UTRN: variants seen among roughly 807,000 people sequenced by gnomAD.
UTRN encodes the protein dystrophin-related protein 1.
UTRN carries 283 observed loss-of-function variants against 463.9 expected under a neutral mutation model. The observed-to-expected ratio is 0.61, with a 90% confidence interval of 0.55 to 0.67. The LOEUF (loss-of-function observed/expected upper bound fraction) is 0.67, where lower values mean the gene tolerates loss of function less well. Among genes scored for constraint, UTRN ranks in the 30% least tolerant of loss-of-function variants. The pLI is 0.00. For synonymous variants in UTRN, 1,442 were observed against 1,431.5 expected (o/e 1.01, Z -0.17); for missense variants, 3,922 against 4,084.3 (o/e 0.96, Z 1.08).
At chr6:144,358,418 A>G (rs1778760861) in intron 2 of UTRN, among the ~76,000 whole-genome samples, 1 of 152,212 alleles carries the variant, frequency 6.6e-6, no homozygotes, top group Non-Finnish European at 1.5e-5. Context: ...CCTATTTGCT[A>G]TAGGTGATAG....
chr6:144,686,832 C>T (rs1475685521), intron 52 of UTRN, among the ~76,000 whole-genome samples: 5 of 151,916 alleles, frequency 3.3e-5, no homozygotes, highest in African/African-American at 9.7e-5. Context: ...TGTTTTTATC[C>T]ATTCTGCCAC....
At chr6:144,374,312 A>C (rs1047921023) in intron 2 of UTRN, among the ~76,000 whole-genome samples, 1 of 152,170 alleles carries the variant, frequency 6.6e-6, no homozygotes, top group Non-Finnish European at 1.5e-5. Flanking sequence ...TTAAAAAATG[A>C]ATCAGTAGAG....
At chr6:144,287,119 G>A (rs1455694422) in intron 1 of UTRN, among the ~76,000 whole-genome samples, 1 of 152,204 alleles carries the variant, frequency 6.6e-6, no homozygotes, top group Admixed American at 6.5e-5. Context: ...GTTCGTTGGC[G>A]GTGGGCGTGG....
chr6:144,533,145 G>T lies in UTRN; in HGVS notation c.6118G>T (p.Asp2040Tyr), dbSNP rs143651227. The T allele has an allele frequency of 1.2e-3, 1,987 of 1,614,092 alleles. 1 individual carries two copies. Among genetic ancestry groups the T allele is most frequent in the Non-Finnish European group, 1.3e-3 (1,512 of 1,179,996 alleles). ...TTTTGCAGCACTAAACCGAACTGGG[G>T]ATGGGATTGTGCAGAAACTCTCCCA... ...PSFAALNRTG[D>Y]GIVQKLSQAD... The change falls in exon 43 of 75, where the codon GAT becomes TAT. Residue 2040 changes from aspartate to tyrosine, a missense_variant. Around this residue, in one of 3 missense-constraint regions of UTRN, gnomAD observed 2,349 missense variants for 2,303.8 expected, o/e 1.02. Transcript: ENST00000367545.
At chr6:144,769,492 T>G (rs1164274864) in intron 58 of UTRN, among the ~76,000 whole-genome samples, 1 of 152,192 alleles carries the variant, frequency 6.6e-6, no homozygotes, top group African/African-American at 2.4e-5. Flanking sequence ...CCGTCAGCTC[T>G]CAGTAGTGGT....
intron 35 of UTRN, among the ~76,000 whole-genome samples, chr6:144,511,419 G>T (rs1014659144): frequency 1.3e-5 from 2 of 151,862 alleles, no homozygotes. Context: ...TTTGATTTTC[G>T]TACTATCAGA....
chr6:144,840,608 CT>C (rs1781484415), intron 72 of UTRN, 131 bp from the exon 73 acceptor site: 5 of 996,304 alleles, frequency 5.0e-6, no homozygotes, highest in Non-Finnish European at 7.3e-6. Flanking sequence ...TAAAATTGTC[CT>C]TTGCAATGGG....
At chr6:144,287,315 C>T (rs1193341965) in intron 1 of UTRN, among the ~76,000 whole-genome samples, 1 of 152,176 alleles carries the variant, frequency 6.6e-6, no homozygotes, top group East Asian at 1.9e-4. Flanking sequence ...TTTATTGGCT[C>T]TGTAAACAGT....
At chr6:144,520,396 T>G (rs576089746) in intron 39 of UTRN, among the ~76,000 whole-genome samples, 132 of 152,240 alleles carry the variant, frequency 8.7e-4, no homozygotes, top group Non-Finnish European at 1.5e-3. Flanking sequence ...ATTTCAGCAT[T>G]CTTTTATATT....
At chr6:144,436,571 C>T (rs1484874850) in intron 10 of UTRN, among the ~76,000 whole-genome samples, 1 of 151,730 alleles carries the variant, frequency 6.6e-6, no homozygotes, top group Non-Finnish European at 1.5e-5. Context: ...GTTTCCTGCT[C>T]CTTTGAGGAC....
chr6:144,489,123 C>G (rs1792778415), intron 30 of UTRN, among the ~76,000 whole-genome samples: 1 of 152,066 alleles, frequency 6.6e-6, no homozygotes, highest in African/African-American at 2.4e-5. Context: ...GATCTTGGCT[C>G]ACTGCAACCT....
chr6:144,474,886 T>G, intron 25 of UTRN, 127 bp downstream of exon 25: 1 of 1,108,994 alleles, frequency 9.0e-7, no homozygotes, highest in Non-Finnish European at 1.3e-6. Flanking sequence ...CCAGCATGGG[T>G]AGTGAGCTGG....
At chr6:144,748,634 C>G in intron 55 of UTRN, 120 bp downstream of exon 55, 1 of 1,304,060 alleles carries the variant, frequency 7.7e-7, no homozygotes, top group Non-Finnish European at 1.0e-6. Context: ...AACGCCGCTG[C>G]AACCCCACCC....
intron 23 of UTRN, among the ~76,000 whole-genome samples, chr6:144,465,064 TACAGG>T (rs2128563231): frequency 6.6e-6 from 1 of 152,266 alleles, no homozygotes; most frequent in African/African-American, 2.4e-5. Context: ...TCCCACCATG[TACAGG>T]ACAGCCTCAC....
chr6:144,449,310 C>G (rs1026866367), intron 17 of UTRN, among the ~76,000 whole-genome samples: 26 of 152,068 alleles, frequency 1.7e-4, no homozygotes, highest in African/African-American at 5.3e-4. Context: ...TAATGCAGTG[C>G]CTAGTTTAAA....
At chr6:144,793,101 T>G (rs1776904029) in intron 62 of UTRN, among the ~76,000 whole-genome samples, 1 of 152,290 alleles carries the variant, frequency 6.6e-6, no homozygotes, top group South Asian at 2.1e-4. Flanking sequence ...ACACACCTTC[T>G]TGTACTTTTT....
intron 53 of UTRN, among the ~76,000 whole-genome samples, chr6:144,723,477 A>G (rs1787446440): frequency 6.6e-6 from 1 of 152,190 alleles, no homozygotes; most frequent in South Asian, 2.1e-4. Flanking sequence ...GGTACAGTAG[A>G]GGATTTCAGA....
chr6:144,329,714 A>G (rs1338607058), intron 2 of UTRN, among the ~76,000 whole-genome samples: 1 of 152,204 alleles, frequency 6.6e-6, no homozygotes, highest in African/African-American at 2.4e-5. Context: ...AAAAGATCTA[A>G]TTGCTTTTCC....
At chr6:144,471,705 C>T (rs1177763077) in intron 23 of UTRN, among the ~76,000 whole-genome samples, 1 of 152,092 alleles carries the variant, frequency 6.6e-6, no homozygotes, top group Non-Finnish European at 1.5e-5. Flanking sequence ...TAGCATGGAC[C>T]TGTGGGAATA....
Sources: gnomAD v4.1 joint callset for allele counts (sites outside exome capture counted in the v4.1 genomes callset) on GRCh38, gnomAD v4.1.1 for gene constraint, gnomAD v4.1.1 regional missense constraint, MANE v1.5 for transcripts, NCBI Gene and HGNC (gene_info 2026-07-23, HGNC 2026-07-21) for gene names.